The following PRDM16 variants were observed in gnomAD, a reference collection of about 807,000 sequenced individuals.
The protein encoded by PRDM16 is PR/SET domain 16, also known as histone-lysine N-methyltransferase PRDM16.
Under a neutral mutation model 110.6 loss-of-function variants are expected in PRDM16, and 23 were observed. That is an observed-to-expected ratio of 0.21 (90% CI 0.15 to 0.29). The LOEUF (loss-of-function observed/expected upper bound fraction) is 0.29. PRDM16 is among the 10% of genes least tolerant of loss of function. PRDM16 has a pLI of 1.00. For synonymous variants in PRDM16, 799 were observed against 781.8 expected, an observed-to-expected ratio of 1.02 and a Z score of -0.37; for missense variants, 1,615 against 1,794.3, an observed-to-expected ratio of 0.90 and a Z score of 1.81.
chr1:3,078,489 G>T (rs1338952699), intron 1 of PRDM16, among the ~76,000 whole-genome samples: 1 of 152,222 alleles, frequency 6.6e-6, no homozygotes, highest in Non-Finnish European at 1.5e-5. Flanking sequence ...GAGGCTCAGG[G>T]CCTCCTCTCT....
At chr1:3,098,032 A>G (rs1386312539) in intron 1 of PRDM16, among the ~76,000 whole-genome samples, 3 of 152,076 alleles carry the variant, frequency 2.0e-5, no homozygotes, top group Admixed American at 2.0e-4. Context: ...AGGACTGGAA[A>G]CTGCCCCCGC....
chr1:3,077,213 G>A (rs538725792), intron 1 of PRDM16, among the ~76,000 whole-genome samples: 2 of 152,310 alleles, frequency 1.3e-5, no homozygotes, highest in East Asian at 1.9e-4. Context: ...GGCTGCTGGC[G>A]AGGTCTCCCG....
In PRDM16 at chr1:3,398,417, C is replaced by G. The variant is rs767853789; in HGVS notation, c.676+1824C>G. On this transcript the variant is annotated intron_variant, in intron 5 of 16. Transcript: ENST00000270722. ...ATGCCTCCCCAATAGCCGCCTCCCC[C>G]ACCAGTTAAACTCTGAATCGCACAG... Among the ~76,000 whole-genome samples the G allele has an allele frequency of 3.3e-5, 5 of 152,186 alleles. No individual in the cohort carries two copies. In the East Asian group the frequency reaches 5.8e-4, roughly 18 times the overall value.
chr1:3,314,757 T>G (rs1641559350), intron 3 of PRDM16, among the ~76,000 whole-genome samples: 1 of 152,092 alleles, frequency 6.6e-6, no homozygotes, highest in Non-Finnish European at 1.5e-5. Context: ...CGGGTTCAGT[T>G]GCTTCGTTTT....
rs552525263 is a variant in PRDM16, at chr1:3,434,561, C to T, written c.*750C>T. The stretch of plus-strand genomic sequence containing the variant: ...CACACCCGTGAACCATGCAGACGGC[C>T]GAAGAAGTCTTAGGCAGGGCGCCCT... On this transcript the variant is annotated 3_prime_UTR_variant, in exon 17 of 17. Coordinates refer to ENST00000270722, the MANE Select transcript of PRDM16 (RefSeq NM_022114.4). 1.3e-5 allele frequency: 3 copies of T among 231,840 alleles called. No individual in the cohort carries two copies. The highest frequency in any genetic ancestry group is 1.8e-4 in the South Asian group (1 of 5,502). The allele number at this position is 231,840 out of a possible 1,614,324, so 14.4% of individuals were successfully genotyped here.
At chr1:3,368,593 G>A (rs1334596991) in intron 3 of PRDM16, among the ~76,000 whole-genome samples, 1 of 152,240 alleles carries the variant, frequency 6.6e-6, no homozygotes, top group African/African-American at 2.4e-5. Context: ...CTCCTCTTGA[G>A]AAAGCTCCAA....
chr1:3,225,579 C>CGCGCGT (rs1553149429), intron 2 of PRDM16, among the ~76,000 whole-genome samples: 5 of 146,756 alleles, frequency 3.4e-5, no homozygotes, highest in African/African-American at 1.3e-4. Flanking sequence ...TGTGTGCGCG[C>CGCGCGT]GCGCAGAAGG....
chr1:3,194,723 C>T (rs1189644074), intron 2 of PRDM16, among the ~76,000 whole-genome samples: 1 of 151,748 alleles, frequency 6.6e-6, no homozygotes, highest in Non-Finnish European at 1.5e-5. Context: ...CACCGTCTCC[C>T]CGCCACACGC....
chr1:3,426,729 A>T (rs1638618534), intron 14 of PRDM16, among the ~76,000 whole-genome samples: 1 of 152,194 alleles, frequency 6.6e-6, no homozygotes, highest in South Asian at 2.1e-4. Flanking sequence ...ACGTTTGTAT[A>T]CATGTGTATA....
intron 2 of PRDM16, among the ~76,000 whole-genome samples, chr1:3,215,645 T>G (rs1639009131): frequency 6.6e-6 from 1 of 152,192 alleles, no homozygotes; most frequent in South Asian, 2.1e-4. Flanking sequence ...AGTGCTCCTC[T>G]GCACGGTGGC....
chr1:3,421,912 A>G (rs1010028844), intron 12 of PRDM16, among the ~76,000 whole-genome samples: 16 of 149,910 alleles, frequency 1.1e-4, no homozygotes, highest in Non-Finnish European at 2.1e-4. Flanking sequence ...AGGCAAACAG[A>G]CAGGAAGACA....
intron 2 of PRDM16, among the ~76,000 whole-genome samples, chr1:3,225,564 GTGTGTGTGT>G (rs1426192714): frequency 4.7e-5 from 7 of 149,806 alleles, no homozygotes; most frequent in Admixed American, 2.0e-4. Flanking sequence ...GTGTGTGTGT[GTGTGTGTGT>G]GCGCGCGCGC....
chr1:3,226,836 G>A (rs924987213), intron 2 of PRDM16, among the ~76,000 whole-genome samples: 2 of 152,090 alleles, frequency 1.3e-5, no homozygotes, highest in South Asian at 2.1e-4. Flanking sequence ...GCTAATCTCC[G>A]AGCACTTCTC....
intron 3 of PRDM16, among the ~76,000 whole-genome samples, chr1:3,326,428 G>C (rs577985437): frequency 2.4e-4 from 36 of 152,300 alleles, no homozygotes; most frequent in African/African-American, 8.7e-4. Flanking sequence ...ATTTTAGGAG[G>C]AGCATGATTC....
At chr1:3,103,743 G>A (rs894999424) in intron 1 of PRDM16, among the ~76,000 whole-genome samples, 3 of 152,152 alleles carry the variant, frequency 2.0e-5, no homozygotes, top group Admixed American at 6.5e-5. Context: ...CCTGAGAGGC[G>A]TCCCTGGAAA....
At chr1:3,121,787 C>T (rs781234111) in intron 1 of PRDM16, among the ~76,000 whole-genome samples, 2 of 152,216 alleles carry the variant, frequency 1.3e-5, no homozygotes, top group African/African-American at 2.4e-5. Flanking sequence ...CCGGCCAGGC[C>T]TCCCTCCTGC....
chr1:3,412,587 CCGG>C lies in PRDM16; in HGVS notation c.2393_2395del (p.Gly798del). 3 of 1,605,218 alleles carry C rather than the reference CCGG, an allele frequency of 1.9e-6. No individual in the cohort carries two copies. The highest frequency in any genetic ancestry group is 1.7e-4 in the Middle Eastern group (1 of 6,044). On this transcript the variant is annotated inframe_deletion, in exon 9 of 17. Coordinates refer to ENST00000270722, the MANE Select transcript of PRDM16 (RefSeq NM_022114.4). ...CCCAAGGGCCCCTCGGCCCCCGCAT[CCGG>C]CGAGGAGCAGCCGCTGGACCTGAGC...
chr1:3,311,478 C>G (rs964505595), intron 3 of PRDM16, among the ~76,000 whole-genome samples: 6 of 152,190 alleles, frequency 3.9e-5, no homozygotes, highest in Admixed American at 6.5e-5. Context: ...ACCCAGCAGG[C>G]AAATCTCAGG....
At chr1:3,227,695 G>C (rs919186665) in intron 2 of PRDM16, among the ~76,000 whole-genome samples, 5 of 152,234 alleles carry the variant, frequency 3.3e-5, no homozygotes, top group Non-Finnish European at 7.3e-5. Flanking sequence ...TCCACAGCTG[G>C]CTGCCCAGGC....
Sources: gnomAD v4.1 joint callset for allele counts (sites outside exome capture counted in the v4.1 genomes callset) on GRCh38, gnomAD v4.1.1 for gene constraint, MANE v1.5 for transcripts, NCBI Gene and HGNC (gene_info 2026-07-23, HGNC 2026-07-21) for gene names.